Variants in SNTG1 observed in about 807,000 individuals in gnomAD.
SNTG1 encodes gamma-1-syntrophin.
Under a neutral mutation model 74.7 loss-of-function variants are expected in SNTG1, and 39 were observed. That is an observed-to-expected ratio of 0.52 (90% CI 0.40 to 0.68). The LOEUF (loss-of-function observed/expected upper bound fraction) is 0.68. Among genes scored for constraint, SNTG1 ranks in the 30% least tolerant of loss-of-function variants. The pLI is 0.00. For synonymous variants in SNTG1, 254 were observed against 217.1 expected, an observed-to-expected ratio of 1.17 and a Z score of -1.49; for missense variants, 685 against 609.5, an observed-to-expected ratio of 1.12 and a Z score of -1.30.
rs558983738 is a variant in SNTG1, at chr8:50,335,311, T to A, written c.-27-58901T>A. Among the ~76,000 whole-genome samples, 25 of 152,318 alleles carry A rather than the reference T, an allele frequency of 1.6e-4. No homozygotes were observed. The East Asian group carries it at 2.1e-3, about 13-fold the overall frequency. On this transcript the variant is annotated intron_variant, in intron 2 of 18. Coordinates refer to ENST00000642720, the MANE Select transcript of SNTG1 (RefSeq NM_018967.5). ...ACTCTGGTGGTCAGAAGTCTGAGCA[T>A]ACAACATGGCTCAACAGCATCCACT...
At chr8:50,402,434 C>T (rs2092818891) in intron 4 of SNTG1, 90 bp downstream of exon 4, 1 of 1,412,250 alleles carries the variant, frequency 7.1e-7, no homozygotes. Flanking sequence ...ATATGTTTTT[C>T]TTTCAGTGTC....
At chr8:50,083,408 A>C (rs762399642) in intron 1 of SNTG1, among the ~76,000 whole-genome samples, 63 of 152,322 alleles carry the variant, frequency 4.1e-4, no homozygotes, top group South Asian at 3.3e-3. Flanking sequence ...ATTGAAGTCA[A>C]TTTTGCACCC....
At chr8:50,101,024 A>C (rs1438703882) in intron 1 of SNTG1, among the ~76,000 whole-genome samples, 2 of 152,128 alleles carry the variant, frequency 1.3e-5, no homozygotes, top group African/African-American at 4.8e-5. Context: ...AAACAAGAAC[A>C]TATGGTATTT....
chr8:50,324,718 G>C (rs1812798550), intron 2 of SNTG1, among the ~76,000 whole-genome samples: 1 of 151,828 alleles, frequency 6.6e-6, no homozygotes, highest in Non-Finnish European at 1.5e-5. Context: ...ATTTCCTTGA[G>C]AGTGTCAATT....
At chr8:50,605,134 T>A (rs1173234715) in intron 13 of SNTG1, among the ~76,000 whole-genome samples, 1 of 152,216 alleles carries the variant, frequency 6.6e-6, no homozygotes, top group East Asian at 1.9e-4. Context: ...AAAGTCCTGT[T>A]TACTCTTCCT....
At chr8:50,329,105 G>A (rs1156897337) in intron 2 of SNTG1, among the ~76,000 whole-genome samples, 2 of 152,146 alleles carry the variant, frequency 1.3e-5, no homozygotes, top group East Asian at 3.9e-4. Context: ...CTCACATCCA[G>A]GTCACACTGA....
intron 17 of SNTG1, among the ~76,000 whole-genome samples, chr8:50,738,741 C>T (rs1336306341): frequency 6.7e-6 from 1 of 150,068 alleles, no homozygotes; most frequent in Non-Finnish European, 1.5e-5. Context: ...ATAGAGGCCT[C>T]AGAAATAACA....
At chr8:50,483,996 T>C (rs1342730930) in intron 8 of SNTG1, among the ~76,000 whole-genome samples, 1 of 152,190 alleles carries the variant, frequency 6.6e-6, no homozygotes, top group East Asian at 1.9e-4. Flanking sequence ...ATAAGTTATT[T>C]CCATCTAATG....
intron 13 of SNTG1, among the ~76,000 whole-genome samples, chr8:50,641,548 A>G (rs2095073164): frequency 1.3e-5 from 2 of 152,206 alleles, no homozygotes; most frequent in Non-Finnish European, 2.9e-5. Context: ...TATTTAAAAG[A>G]CAGGCTATAT....
At chr8:50,325,762 C>T (rs560920669) in intron 2 of SNTG1, among the ~76,000 whole-genome samples, 149 of 152,112 alleles carry the variant, frequency 9.8e-4, no homozygotes, top group Non-Finnish European at 1.8e-3. Context: ...GCTAGGACTT[C>T]CTGTATGATT....
At chr8:50,160,520 C>T (rs1264235506) in intron 1 of SNTG1, among the ~76,000 whole-genome samples, 1 of 152,034 alleles carries the variant, frequency 6.6e-6, no homozygotes, top group African/African-American at 2.4e-5. Context: ...CTTTTCTGTG[C>T]TTTCATTTTA....
At chr8:50,096,046 G>C (rs1356082571) in intron 1 of SNTG1, among the ~76,000 whole-genome samples, 1 of 151,960 alleles carries the variant, frequency 6.6e-6, no homozygotes, top group African/African-American at 2.4e-5. Context: ...TCTAGTAAAT[G>C]CTAAAACCTG....
chr8:50,302,672 G>A (rs973370056), intron 2 of SNTG1, among the ~76,000 whole-genome samples: 2 of 152,076 alleles, frequency 1.3e-5, no homozygotes, highest in East Asian at 1.9e-4. Flanking sequence ...CCTGAGAAGC[G>A]ATTAAGTTTT....
intron 1 of SNTG1, among the ~76,000 whole-genome samples, chr8:50,063,549 C>T (rs1006363967): frequency 6.6e-6 from 1 of 152,122 alleles, no homozygotes; most frequent in Non-Finnish European, 1.5e-5. Context: ...TTGGCTTATC[C>T]CCCTGAGGAA....
intron 1 of SNTG1, among the ~76,000 whole-genome samples, chr8:50,041,915 C>T (rs1454838445): frequency 6.6e-6 from 1 of 152,160 alleles, no homozygotes; most frequent in African/African-American, 2.4e-5. Flanking sequence ...CACCTGGATC[C>T]CATCCTTTCA....
At chr8:50,180,750 CTTTTTTTTTTTTTTT>C (rs60630226) in intron 2 of SNTG1, among the ~76,000 whole-genome samples, 16 of 80,670 alleles carry the variant, frequency 2.0e-4, no homozygotes, top group African/African-American at 9.0e-4. Flanking sequence ...ATTGTGAAGC[CTTTTTTTTTTTTTTT>C]TTTTTTTTTT....
At chr8:50,386,232 G>C (rs754057934) in intron 2 of SNTG1, among the ~76,000 whole-genome samples, 4 of 152,038 alleles carry the variant, frequency 2.6e-5, no homozygotes, top group Non-Finnish European at 4.4e-5. Flanking sequence ...CCCTGAGATG[G>C]ACTTGAGCTA....
intron 13 of SNTG1, among the ~76,000 whole-genome samples, chr8:50,652,403 T>C (rs2095152651): frequency 6.6e-6 from 1 of 152,180 alleles, no homozygotes; most frequent in South Asian, 2.1e-4. Context: ...ACTCTTATTT[T>C]ATAGTTATTC....
At chr8:50,608,416 C>CA (rs1282139072) in intron 13 of SNTG1, among the ~76,000 whole-genome samples, 3 of 151,496 alleles carry the variant, frequency 2.0e-5, no homozygotes, top group Non-Finnish European at 4.4e-5. Context: ...GTTATGTATT[C>CA]AAAATATATT....
Sources: gnomAD v4.1 joint callset for allele counts (sites outside exome capture counted in the v4.1 genomes callset) on GRCh38, gnomAD v4.1.1 for gene constraint, MANE v1.5 for transcripts, NCBI Gene and HGNC (gene_info 2026-07-23, HGNC 2026-07-21) for gene names.